The following GPHN variants were observed in gnomAD, a reference collection of about 807,000 sequenced individuals.
GPHN encodes gephyrin.
GPHN carries 17 observed loss-of-function variants against 95.5 expected under a neutral mutation model. The observed-to-expected ratio is 0.18, with a 90% CI of 0.12 to 0.27. The LOEUF is 0.27. GPHN is among the 10% of genes least tolerant of loss of function. The probability of loss-of-function intolerance (pLI) is 1.00; values close to 1 mark genes in which losing one functional copy is unlikely to be tolerated. For missense variants in GPHN, 660 were observed against 978.1 expected, an observed-to-expected ratio of 0.67 and a Z score of 4.34; for synonymous variants, 320 against 322.5, an observed-to-expected ratio of 0.99 and a Z score of 0.08.
the GPHN span, chr14:67,200,225 A>C: frequency 8.8e-6 from 9 of 1,020,266 alleles, no homozygotes; most frequent in African/African-American, 1.2e-4. Context: ...CTGGCCCTCC[A>C]CAACCCACAC....
intron 21 of GPHN, among the ~76,000 whole-genome samples, chr14:67,178,651 G>T (rs2083147691): frequency 6.6e-6 from 1 of 151,970 alleles, no homozygotes; most frequent in African/African-American, 2.4e-5. Flanking sequence ...AGGGAAAGAG[G>T]ATAGGAAATT....
chr14:66,996,830 G>A (rs1008254650), intron 9 of GPHN, among the ~76,000 whole-genome samples: 1 of 151,968 alleles, frequency 6.6e-6, no homozygotes, highest in African/African-American at 2.4e-5. Context: ...AGAGATTCAT[G>A]TTCTTTTAGT....
At chr14:66,713,944 T>A (rs1418237614) in intron 2 of GPHN, among the ~76,000 whole-genome samples, 1 of 152,066 alleles carries the variant, frequency 6.6e-6, no homozygotes, top group African/African-American at 2.4e-5. Context: ...AATTTTTGTA[T>A]TTTTAGTAGA....
At chr14:67,657,249 T>TAGAA in the GPHN span, 6 of 152,180 alleles carry the variant, frequency 3.9e-5, no homozygotes, top group African/African-American at 1.4e-4. Context: ...AGAAAGCATG[T>TAGAA]AGAAGTCTGA....
At chr14:67,011,494 A>T (rs1210395226) in intron 9 of GPHN, among the ~76,000 whole-genome samples, 2 of 144,734 alleles carry the variant, frequency 1.4e-5, no homozygotes, top group Admixed American at 1.4e-4. Flanking sequence ...GGATCACTTG[A>T]GCCTAGGAGG....
chr14:67,501,997 G>A, the GPHN span, among the ~76,000 whole-genome samples: 10 of 152,152 alleles, frequency 6.6e-5, no homozygotes, highest in African/African-American at 2.4e-4. Context: ...TGCAGATAAA[G>A]GACTGTGGGC....
chr14:67,520,987 A>G, the GPHN span, among the ~76,000 whole-genome samples: 1 of 152,182 alleles, frequency 6.6e-6, no homozygotes, highest in Non-Finnish European at 1.5e-5. Context: ...GTATTTCCAC[A>G]TTTGGGCCAT....
intron 3 of GPHN, among the ~76,000 whole-genome samples, chr14:66,807,474 G>A (rs1197026302): frequency 6.6e-6 from 1 of 152,158 alleles, no homozygotes; most frequent in Non-Finnish European, 1.5e-5. Flanking sequence ...TTCTATAATA[G>A]TGAGAGTTAA....
chr14:67,176,244 A>G (rs1017765515), intron 21 of GPHN, among the ~76,000 whole-genome samples: 5 of 152,192 alleles, frequency 3.3e-5, no homozygotes, highest in South Asian at 2.1e-4. Flanking sequence ...ATTTTGAGAT[A>G]CATTCCATCA....
At chr14:67,416,110 G>A in the GPHN span, among the ~76,000 whole-genome samples, 17 of 152,170 alleles carry the variant, frequency 1.1e-4, no homozygotes, top group African/African-American at 2.7e-4. Flanking sequence ...TGCACATCCC[G>A]CACATGTACC....
At position 66,849,686 on chromosome 14, in the gene GPHN, GT is replaced by G. The variant is rs2153514870; in HGVS notation, c.294+25124del. On this transcript the variant is annotated intron_variant, in intron 4 of 22. Transcript: ENST00000478722. The stretch of plus-strand genomic sequence containing the variant: ...TAAACACTGTTCTTGAATTTATTCA[GT>G]TTTGTTTCTCCTTTTATAAACTGCC... Among the ~76,000 whole-genome samples, 3 of 152,104 alleles carry G rather than the reference GT, an allele frequency of 2.0e-5. No individual in the cohort carries two copies. In the East Asian group the frequency reaches 5.8e-4, roughly 29 times the overall value.
chr14:67,621,774 C>G, the GPHN span, among the ~76,000 whole-genome samples: 9 of 151,498 alleles, frequency 5.9e-5, no homozygotes, highest in Non-Finnish European at 1.0e-4. Flanking sequence ...TAAGGGAGAA[C>G]CCTTCTCTTA....
At chr14:67,300,855 T>C in the GPHN span, among the ~76,000 whole-genome samples, 5 of 152,012 alleles carry the variant, frequency 3.3e-5, no homozygotes, top group Admixed American at 1.3e-4. Flanking sequence ...TTTTTAATTA[T>C]ATAAAAAAAT....
At chr14:66,893,410 T>C (rs2064638250) in intron 5 of GPHN, among the ~76,000 whole-genome samples, 1 of 152,188 alleles carries the variant, frequency 6.6e-6, no homozygotes, top group African/African-American at 2.4e-5. Flanking sequence ...AGTATCATAC[T>C]GAATGGGCAA....
At chr14:67,109,912 G>C (rs113507268) in intron 13 of GPHN, among the ~76,000 whole-genome samples, 6 of 152,228 alleles carry the variant, frequency 3.9e-5, no homozygotes, top group African/African-American at 1.4e-4. Flanking sequence ...ACACCGAATA[G>C]TCATTACCTT....
intron 2 of GPHN, among the ~76,000 whole-genome samples, chr14:66,730,612 CG>C (rs1322272033): frequency 6.6e-6 from 1 of 152,000 alleles, no homozygotes; most frequent in African/African-American, 2.4e-5. Context: ...AGTTATACAT[CG>C]TTTTTTAAAC....
At chr14:66,853,976 C>T (rs2062699098) in intron 4 of GPHN, among the ~76,000 whole-genome samples, 1 of 152,126 alleles carries the variant, frequency 6.6e-6, no homozygotes, top group Non-Finnish European at 1.5e-5. Flanking sequence ...ATCATTTTAT[C>T]ACCAAATGAA....
chr14:66,533,042 G>T (rs1274035), intron 1 of GPHN, among the ~76,000 whole-genome samples: 3 of 152,212 alleles, frequency 2.0e-5, no homozygotes, highest in Non-Finnish European at 2.9e-5. Flanking sequence ...GTGTGTAGTC[G>T]CCGAATAGTC....
chr14:67,238,635 G>A, the GPHN span, among the ~76,000 whole-genome samples: 4 of 151,716 alleles, frequency 2.6e-5, no homozygotes, highest in Non-Finnish European at 5.9e-5. Context: ...ATATCTTTAG[G>A]AGGTAAAATA....
Sources: allele counts gnomAD v4.1 joint callset (sites outside exome capture counted in the v4.1 genomes callset), GRCh38; gene constraint gnomAD v4.1.1; transcripts MANE v1.5; gene names NCBI Gene and HGNC (gene_info 2026-07-23, HGNC 2026-07-21).